Variants in SULT1E1 observed in about 807,000 individuals in gnomAD.
The protein encoded by SULT1E1 is sulfotransferase family 1E member 1.
SULT1E1 carries 36 observed loss-of-function variants against 33.6 expected under a neutral mutation model. That is an observed-to-expected ratio of 1.07 (90% CI 0.82 to 1.41). The LOEUF (loss-of-function observed/expected upper bound fraction) is 1.41. Ranked by LOEUF, SULT1E1 falls within the 40% of genes most tolerant of loss-of-function variation. The pLI, the probability that SULT1E1 is intolerant of heterozygous loss-of-function variation, is 0.00. For synonymous variants in SULT1E1, 121 were observed against 111.7 expected (o/e 1.08, Z -0.53); for missense variants, 371 against 345.7 (o/e 1.07, Z -0.58).
chr4:69,826,499 G>C, the SULT1E1 span, among the ~76,000 whole-genome samples: 1 of 152,112 alleles, frequency 6.6e-6, no homozygotes, highest in African/African-American at 2.4e-5. Flanking sequence ...GCAGGGTCCA[G>C]GGACTGTTGC....
chr4:69,842,376 C>T (rs11573799), intron 7 of SULT1E1, among the ~76,000 whole-genome samples: 128 of 152,266 alleles, frequency 8.4e-4, no homozygotes, highest in African/African-American at 3.0e-3. Context: ...TTCATCTCAG[C>T]TGTTGGGGCT....
downstream of SULT1E1, chr4:69,838,693 G>A (rs1720834416): frequency 6.6e-6 from 1 of 152,240 alleles, no homozygotes; most frequent in Non-Finnish European, 1.5e-5. Flanking sequence ...GCATGCCTGG[G>A]GAATGGAAAG....
At chr4:69,843,332 T>C (rs1441979323) in intron 7 of SULT1E1, among the ~76,000 whole-genome samples, 1 of 152,188 alleles carries the variant, frequency 6.6e-6, no homozygotes. Context: ...AACATTTATA[T>C]GTAGAATTTT....
At position 69,841,777 on chromosome 4, in the gene SULT1E1, G is replaced by C; in HGVS notation, c.*217C>G. ...GATCAATTGAGTCAAGGAGGTCAAG[G>C]CTGCAATCAGCCATGATTGTGCCAC... On this transcript the variant is annotated 3_prime_UTR_variant, in exon 8 of 8. Coordinates refer to ENST00000226444, the MANE Select transcript of SULT1E1 (RefSeq NM_005420.3). The C allele has an allele frequency of 2.6e-6, 1 of 378,962 alleles. No homozygotes were observed. Among genetic ancestry groups the C allele is most frequent in the Non-Finnish European group, 4.7e-6 (1 of 213,650 alleles). 23.5% of individuals were successfully genotyped at this position (378,962 alleles called of 1,614,324 possible).
downstream of SULT1E1, among the ~76,000 whole-genome samples, chr4:69,840,200 T>C (rs1338141394): frequency 6.6e-6 from 1 of 151,946 alleles, no homozygotes; most frequent in Non-Finnish European, 1.5e-5. Context: ...TTAATAACTA[T>C]ATTAAACATT....
chr4:69,852,083 C>A (rs1356959121), intron 4 of SULT1E1, among the ~76,000 whole-genome samples: 1 of 152,018 alleles, frequency 6.6e-6, no homozygotes. Context: ...TGTAACAAAC[C>A]TGCACATTGT....
At chr4:69,851,366 T>G (rs1721099899) in intron 4 of SULT1E1, among the ~76,000 whole-genome samples, 3 of 151,976 alleles carry the variant, frequency 2.0e-5, no homozygotes, top group Non-Finnish European at 4.4e-5. Context: ...AACAGACACA[T>G]GAAAAAATGC....
At chr4:69,849,881 A>G (rs1294315819) in intron 4 of SULT1E1, among the ~76,000 whole-genome samples, 1 of 151,968 alleles carries the variant, frequency 6.6e-6, no homozygotes, top group Non-Finnish European at 1.5e-5. Context: ...ATTATTCTCA[A>G]TGTATAAGTG....
chr4:69,855,198 T>A, intron 3 of SULT1E1, 103 bp downstream of exon 3: 2 of 1,221,438 alleles, frequency 1.6e-6, no homozygotes. Context: ...GTAGAAGACC[T>A]GATACTAATT....
At chr4:69,854,161 C>A in intron 4 of SULT1E1, 56 bp downstream of exon 4, 1 of 1,251,860 alleles carries the variant, frequency 8.0e-7, no homozygotes, top group South Asian at 1.3e-5. Flanking sequence ...CTGATGAGAT[C>A]ACTCTATCAT....
chr4:69,839,892 T>C (rs1034044530), downstream of SULT1E1, among the ~76,000 whole-genome samples: 1 of 152,238 alleles, frequency 6.6e-6, no homozygotes, highest in Admixed American at 6.5e-5. Flanking sequence ...TTGGTCCAAA[T>C]TTTATTCAGG....
chr4:69,823,887 C>T, the SULT1E1 span, among the ~76,000 whole-genome samples: 1 of 152,106 alleles, frequency 6.6e-6, no homozygotes, highest in Non-Finnish European at 1.5e-5. Context: ...GAAGCCGCTC[C>T]TATCAATAAA....
the SULT1E1 span, among the ~76,000 whole-genome samples, chr4:69,826,949 T>C: frequency 6.6e-6 from 1 of 151,632 alleles, no homozygotes; most frequent in East Asian, 1.9e-4. Context: ...TCCTCTAATC[T>C]CCCCTTCCCA....
downstream of SULT1E1, among the ~76,000 whole-genome samples, chr4:69,837,705 G>A (rs959808699): frequency 7.9e-5 from 12 of 151,976 alleles, no homozygotes; most frequent in African/African-American, 2.4e-4. Context: ...CCAGTTATAC[G>A]TAAATAGTAG....
rs1420803363 is a variant in SULT1E1, at chr4:69,849,576, A to T, written c.370-13T>A. The T allele has an allele frequency of 6.3e-7, 1 of 1,580,728 alleles. No homozygotes were observed. Among genetic ancestry groups the T allele is most frequent in the African/African-American group, 1.4e-5 (1 of 72,930 alleles). On this transcript the variant is annotated splice_polypyrimidine_tract_variant and intron_variant, in intron 4 of 7. Coordinates refer to ENST00000226444, the MANE Select transcript of SULT1E1 (RefSeq NM_005420.3). ...AAAGATAGATTATCTAAGAGGATGA[A>T]ATTGTATATTAAACCACTTAACATT...
At chr4:69,832,268 A>C in the SULT1E1 span, among the ~76,000 whole-genome samples, 1 of 152,196 alleles carries the variant, frequency 6.6e-6, no homozygotes, top group Non-Finnish European at 1.5e-5. Flanking sequence ...AGGTTCTCCC[A>C]GTGGCATGCT....
chr4:69,846,305 C>CAAAAAAAAAAAAAACAAAAAAAAA (rs1720974865), intron 6 of SULT1E1, among the ~76,000 whole-genome samples: 1 of 107,040 alleles, frequency 9.3e-6, no homozygotes, highest in Non-Finnish European at 1.9e-5. Flanking sequence ...ACAAAACAAT[C>CAAAAAAAAAAAAAACAAAAAAAAA]AAAAAAAAAA....
the SULT1E1 span, among the ~76,000 whole-genome samples, chr4:69,826,283 C>T: frequency 2.1e-3 from 327 of 152,176 alleles, 6 homozygotes; most frequent in African/African-American, 7.6e-3. Context: ...AGGACTCTAA[C>T]AGGTTTTCGA....
chr4:69,822,803 T>C, the SULT1E1 span, among the ~76,000 whole-genome samples: 7 of 152,292 alleles, frequency 4.6e-5, no homozygotes, highest in East Asian at 5.8e-4. Context: ...CCCTCGACCG[T>C]TGTATTTGTC....
Sources: allele counts gnomAD v4.1 joint callset (sites outside exome capture counted in the v4.1 genomes callset), GRCh38; gene constraint gnomAD v4.1.1; transcripts MANE v1.5; gene names NCBI Gene and HGNC (gene_info 2026-07-23, HGNC 2026-07-21).